The following RNF180 variants were observed in gnomAD, a reference collection of about 807,000 sequenced individuals.
RNF180 encodes the protein ring finger protein 180.
A neutral mutation model predicts 59.2 loss-of-function variants in RNF180; 38 were observed. The ratio of observed to expected loss-of-function variants is 0.64; its 90% CI spans 0.50 to 0.84. The LOEUF is 0.84. Ranked by LOEUF, RNF180 falls within the 40% of genes least tolerant of loss-of-function variation. The pLI, the probability that RNF180 is intolerant of heterozygous loss-of-function variation, is 0.00. For synonymous variants in RNF180, 262 were observed against 240.3 expected, an observed-to-expected ratio of 1.09 and a Z score of -0.84; for missense variants, 705 against 700.9, an observed-to-expected ratio of 1.01 and a Z score of -0.07.
intron 1 of RNF180, among the ~76,000 whole-genome samples, chr5:64,170,144 T>G (rs1051557133): frequency 2.0e-5 from 3 of 152,238 alleles, no homozygotes; most frequent in African/African-American, 7.2e-5. Flanking sequence ...ACCCTGTGGG[T>G]GCACATAAGG....
At chr5:64,250,140 C>G (rs1743471304) in intron 5 of RNF180, among the ~76,000 whole-genome samples, 1 of 152,190 alleles carries the variant, frequency 6.6e-6, no homozygotes, top group South Asian at 2.1e-4. Context: ...TAGTGTAAAA[C>G]CAGAAACCAA....
At chr5:64,208,262 TCTC>T (rs1752123230) in intron 2 of RNF180, among the ~76,000 whole-genome samples, 1 of 152,062 alleles carries the variant, frequency 6.6e-6, no homozygotes, top group Non-Finnish European at 1.5e-5. Flanking sequence ...GCTATTACTT[TCTC>T]CTCCTTTTCC....
chr5:64,268,868 A>G (rs1051208448), intron 5 of RNF180, among the ~76,000 whole-genome samples: 4 of 152,128 alleles, frequency 2.6e-5, no homozygotes, highest in Non-Finnish European at 4.4e-5. Flanking sequence ...CTTGAACATG[A>G]CTTTTTATCA....
intron 1 of RNF180, among the ~76,000 whole-genome samples, chr5:64,187,488 C>A (rs1750929957): frequency 6.6e-6 from 1 of 152,158 alleles, no homozygotes; most frequent in African/African-American, 2.4e-5. Context: ...TGTTCAAACA[C>A]AGAAGTATGT....
At chr5:64,175,289 A>AT (rs915726633) in intron 1 of RNF180, among the ~76,000 whole-genome samples, 4 of 151,694 alleles carry the variant, frequency 2.6e-5, no homozygotes, top group Admixed American at 6.6e-5. Flanking sequence ...TTTTGAGGTG[A>AT]TTTTTTTTCA....
At chr5:64,234,082 A>G (rs1041772743) in intron 5 of RNF180, among the ~76,000 whole-genome samples, 1 of 152,236 alleles carries the variant, frequency 6.6e-6, no homozygotes, top group Non-Finnish European at 1.5e-5. Flanking sequence ...AACATGCTTA[A>G]TTCAGCTGTC....
intron 7 of RNF180, among the ~76,000 whole-genome samples, chr5:64,333,459 C>G (rs1210653806): frequency 6.6e-6 from 1 of 151,254 alleles, no homozygotes; most frequent in Non-Finnish European, 1.5e-5. Context: ...GCATGAGCCA[C>G]TGTTCCTGGC....
At chr5:64,187,435 A>G (rs1162851408) in intron 1 of RNF180, among the ~76,000 whole-genome samples, 1 of 152,186 alleles carries the variant, frequency 6.6e-6, no homozygotes, top group Non-Finnish European at 1.5e-5. Flanking sequence ...TGAACACCAA[A>G]GCATATGCAG....
At position 64,213,772 on chromosome 5, in the gene RNF180, A is replaced by G. The variant is rs1752446942; in HGVS notation, c.446A>G (p.Lys149Arg). ...CCTAGAGTTCAGTCAGGTTGTGACA[A>G]GGAAGCTCTGCTGACAGGTGGTGGC... is the stretch of plus-strand genomic sequence containing the variant. ...SHPRVQSGCDKEALLTGGGSE... is the reference protein window; with the variant it reads ...SHPRVQSGCDREALLTGGGSE... The change falls in exon 4 of 8, where the codon AAG (lysine) becomes AGG (arginine). Residue 149 changes from lysine (K) to arginine (R), a missense_variant. By Grantham distance (26) the Lys-to-Arg change is conservative. Transcript: ENST00000389100. The G allele has an allele frequency of 5.6e-6, 9 of 1,614,188 alleles. No homozygotes were observed. Among genetic ancestry groups the G allele is most frequent in the Non-Finnish European group, 7.6e-6 (9 of 1,180,008 alleles).
Position 64,237,279 on chromosome 5 carries a change from GA to G in RNF180, c.1227+19884del, listed in dbSNP as rs747711512. Among the ~76,000 whole-genome samples, 62 of 152,344 alleles carry G rather than the reference GA, an allele frequency of 4.1e-4. 1 individual carries two copies. Among genetic ancestry groups the G allele is most frequent in the South Asian group, 8.3e-4 (4 of 4,824 alleles). ...CAGCATGCCCTGTATGTGAGACCTG[GA>G]GTCAAAGGAGATGTTAGAGCTTTAA... is the stretch of plus-strand genomic sequence containing the variant. On this transcript the variant is annotated intron_variant, in intron 5 of 7. Coordinates refer to ENST00000389100, the MANE Select transcript of RNF180 (RefSeq NM_001113561.2).
At chr5:64,312,943 A>G (rs1743846868) in intron 5 of RNF180, among the ~76,000 whole-genome samples, 1 of 152,134 alleles carries the variant, frequency 6.6e-6, no homozygotes, top group African/African-American at 2.4e-5. Flanking sequence ...ATGGTACTAT[A>G]TCTGGGTGTG....
At chr5:64,300,484 C>T (rs779343228) in intron 5 of RNF180, among the ~76,000 whole-genome samples, 35 of 151,858 alleles carry the variant, frequency 2.3e-4, no homozygotes, top group African/African-American at 7.2e-4. Flanking sequence ...TATTTATTTC[C>T]GACTTACAGT....
chr5:64,286,580 A>T (rs1742297896), intron 5 of RNF180, among the ~76,000 whole-genome samples: 3 of 152,192 alleles, frequency 2.0e-5, no homozygotes, highest in Admixed American at 6.5e-5. Flanking sequence ...TGCTGAGTTG[A>T]CTCTTTATCA....
At chr5:64,279,400 T>C (rs1484880990) in intron 5 of RNF180, among the ~76,000 whole-genome samples, 1 of 152,168 alleles carries the variant, frequency 6.6e-6, no homozygotes, top group Non-Finnish European at 1.5e-5. Context: ...TGACTATGGC[T>C]AGATGAAAAT....
intron 1 of RNF180, among the ~76,000 whole-genome samples, chr5:64,193,049 C>A (rs562022513): frequency 2.6e-5 from 4 of 151,156 alleles, no homozygotes; most frequent in African/African-American, 9.7e-5. Flanking sequence ...AGGGCAAATA[C>A]ATTATTATAC....
chr5:64,207,386 T>C (rs1752068825), intron 2 of RNF180, among the ~76,000 whole-genome samples: 1 of 152,062 alleles, frequency 6.6e-6, no homozygotes, highest in Admixed American at 6.6e-5. Flanking sequence ...ATTCCAAGAT[T>C]CAGGACCAGC....
At chr5:64,192,469 C>T (rs778648107) in intron 1 of RNF180, among the ~76,000 whole-genome samples, 1 of 151,886 alleles carries the variant, frequency 6.6e-6, no homozygotes, top group Non-Finnish European at 1.5e-5. Context: ...GTCAGGAGTT[C>T]GAAGTCAGCT....
At chr5:64,198,207 T>C (rs1006301059) in intron 1 of RNF180, among the ~76,000 whole-genome samples, 2 of 152,176 alleles carry the variant, frequency 1.3e-5, no homozygotes, top group East Asian at 3.9e-4. Context: ...TCTTTTTTTC[T>C]ACGAAGACTT....
chr5:64,329,675 C>G (rs988161692), intron 6 of RNF180, among the ~76,000 whole-genome samples: 2 of 152,100 alleles, frequency 1.3e-5, no homozygotes, highest in Non-Finnish European at 2.9e-5. Context: ...CCAGGCTGGT[C>G]TTGAACTCCT....
Sources: gnomAD v4.1 joint callset for allele counts (sites outside exome capture counted in the v4.1 genomes callset) on GRCh38, gnomAD v4.1.1 for gene constraint, MANE v1.5 for transcripts, NCBI Gene and HGNC (gene_info 2026-07-23, HGNC 2026-07-21) for gene names.